The following FNBP1 variants were observed in gnomAD, a reference collection of about 807,000 sequenced individuals.
FNBP1 encodes formin binding protein 1, also known as formin-binding protein 1.
A neutral mutation model predicts 90.6 loss-of-function variants in FNBP1; 26 were observed. The observed-to-expected ratio is 0.29, with a 90% CI of 0.21 to 0.40. FNBP1 has a LOEUF of 0.40. Among genes scored for constraint, FNBP1 ranks in the 10% least tolerant of loss-of-function variants. The pLI is 1.00. For synonymous variants in FNBP1, 260 were observed against 265.2 expected (o/e 0.98, Z 0.19); for missense variants, 635 against 768.0 (o/e 0.83, Z 2.05).
In FNBP1 at chr9:129,957,779, C is replaced by T. The variant is rs1018205111; in HGVS notation, c.409-315G>A. Among the ~76,000 whole-genome samples, 13 of 152,178 alleles carry T rather than the reference C, an allele frequency of 8.5e-5. No homozygotes were observed. Among genetic ancestry groups the T allele is most frequent in the African/African-American group, 3.1e-4 (13 of 41,536 alleles). On this transcript the variant is annotated intron_variant, in intron 5 of 16. Coordinates refer to ENST00000446176, the MANE Select transcript of FNBP1 (RefSeq NM_015033.3). The surrounding 1 kb of genome is among the most constrained non-coding windows in gnomAD (Gnocchi z 4.3). Reference sequence around the variant, plus strand: ...TGTTGCCCATGCTGGTCTTGAGCTTCTGAGCTCAAGCAATCCTCCCGCCTC... The same window carrying T: ...TGTTGCCCATGCTGGTCTTGAGCTTTTGAGCTCAAGCAATCCTCCCGCCTC...
At chr9:130,025,204 T>C (rs1417597635) in intron 1 of FNBP1, among the ~76,000 whole-genome samples, 2 of 151,890 alleles carry the variant, frequency 1.3e-5, no homozygotes, top group African/African-American at 4.8e-5. Flanking sequence ...TCCCTGACAT[T>C]TTTGCCTATG....
At chr9:130,044,378 C>T (rs1474231311), upstream of FNBP1, among the ~76,000 whole-genome samples, 2 of 152,018 alleles carry the variant, frequency 1.3e-5, no homozygotes, top group East Asian at 1.9e-4. Flanking sequence ...AATCCCAGCA[C>T]ATCAGGAGGC....
At chr9:129,921,330 C>T (rs978543607) in intron 10 of FNBP1, among the ~76,000 whole-genome samples, 3 of 151,046 alleles carry the variant, frequency 2.0e-5, no homozygotes, top group African/African-American at 4.9e-5. Context: ...CAGCAATCCT[C>T]TCATCCCAGC....
intron 6 of FNBP1, among the ~76,000 whole-genome samples, chr9:129,946,903 T>C (rs1231582643): frequency 6.6e-6 from 1 of 152,200 alleles, no homozygotes; most frequent in Admixed American, 6.5e-5. Flanking sequence ...GAAATATTAG[T>C]TCACATTCCA....
intron 6 of FNBP1, among the ~76,000 whole-genome samples, chr9:129,947,440 CAAAAAAAAAAAAGAAAAGAA>C (rs2045482931): frequency 1.0e-5 from 1 of 96,988 alleles, no homozygotes; most frequent in South Asian, 3.6e-4. Flanking sequence ...AACTCCGTCT[CAAAAAAAAAAAAGAAAAGAA>C]AAAAAGAAAA....
intron 4 of FNBP1, among the ~76,000 whole-genome samples, chr9:129,969,920 ACT>A (rs1341065039): frequency 7.4e-6 from 1 of 134,550 alleles, no homozygotes; most frequent in African/African-American, 2.8e-5. Flanking sequence ...GTGGAGTCTC[ACT>A]CTGTGGCCCA....
the FNBP1 span, among the ~76,000 whole-genome samples, chr9:130,053,203 G>C: frequency 1.3e-5 from 2 of 152,292 alleles, no homozygotes; most frequent in East Asian, 3.9e-4. Context: ...CCCAGACTTG[G>C]GGTTGGATGA....
chr9:130,045,321 C>T (rs574642796), upstream of FNBP1, among the ~76,000 whole-genome samples: 17 of 152,292 alleles, frequency 1.1e-4, no homozygotes, highest in African/African-American at 9.6e-5. Flanking sequence ...AATTTGGAAA[C>T]GGTACATGCA....
intron 2 of FNBP1, among the ~76,000 whole-genome samples, chr9:129,993,844 C>T (rs1388480121): frequency 2.0e-5 from 3 of 151,328 alleles, no homozygotes; most frequent in African/African-American, 4.9e-5. Flanking sequence ...AGGCGGGTCT[C>T]GAACTCCTGA....
chr9:130,015,654 C>CT (rs2057154638), intron 1 of FNBP1, among the ~76,000 whole-genome samples: 1 of 152,048 alleles, frequency 6.6e-6, no homozygotes, highest in Admixed American at 6.6e-5. Flanking sequence ...AGGCAAATTG[C>CT]TTTTTTTGCA....
In FNBP1 at chr9:129,927,262, A is replaced by G. The variant is rs746100786; in HGVS notation, c.722T>C (p.Val241Ala). ...MKTYAEVDRQ[V>A]IPIIGKCLDG... ...CAGGCACTTCCCAATGATTGGGATC[A>G]CCTGCCGATCAACCTCTGCATATGT... The change falls in exon 8 of 17, where the codon GTG becomes GCG. Residue 241 changes from valine (V) to alanine (A), a missense_variant. Coordinates refer to ENST00000446176, the MANE Select transcript of FNBP1 (RefSeq NM_015033.3). The G allele has an allele frequency of 6.2e-7, 1 of 1,613,266 alleles. No homozygotes were observed. Among genetic ancestry groups the G allele is most frequent in the Admixed American group, 1.7e-5 (1 of 60,018 alleles).
intron 2 of FNBP1, among the ~76,000 whole-genome samples, chr9:129,986,427 G>C (rs1030442771): frequency 5.9e-5 from 9 of 152,092 alleles, no homozygotes; most frequent in African/African-American, 2.2e-4. Flanking sequence ...CAATAAATGA[G>C]GGTGGATATC....
chr9:129,978,499 C>A lies in FNBP1; in HGVS notation c.311G>T (p.Arg104Leu). The A allele has an allele frequency of 6.2e-7, 1 of 1,613,612 alleles. No homozygotes were observed. Among genetic ancestry groups the A allele is most frequent in the Non-Finnish European group, 8.5e-7 (1 of 1,179,690 alleles). The change falls in exon 4 of 17, where the codon CGC becomes CTC. Residue 104 changes from arginine (R) to leucine (L), a missense_variant. By Grantham distance (102) the Arg-to-Leu change is moderately radical (BLOSUM62 -2). Coordinates refer to ENST00000446176, the MANE Select transcript of FNBP1 (RefSeq NM_015033.3). Reference protein sequence around the residue: ...MASQIIVDLARYVQELKQERK... With the variant: ...MASQIIVDLALYVQELKQERK... ...CTCCTGTTTCAGTTCCTGAACATAGCGTGCCAAGTCCACAATGATCTGTGA... is the reference window on the plus strand; with the variant it reads ...CTCCTGTTTCAGTTCCTGAACATAGAGTGCCAAGTCCACAATGATCTGTGA...
In FNBP1 at chr9:130,042,883, C is replaced by A; in HGVS notation, c.24+69G>T. On this transcript the variant is annotated intron_variant, in intron 1 of 16. Coordinates refer to ENST00000446176, the MANE Select transcript of FNBP1 (RefSeq NM_015033.3). The surrounding 1 kb of genome is among the most constrained non-coding windows in gnomAD (Gnocchi z 5.5). The stretch of plus-strand genomic sequence containing the variant: ...TCCGCCCAGCAGCGCGGCCCGCGCC[C>A]CCTCCCCAGGCCGCGGGGAAACGCA... 9.1e-7 allele frequency: 1 copy of A among 1,100,668 alleles called. No homozygotes were observed. The highest frequency in any genetic ancestry group is 4.1e-5 in the South Asian group (1 of 24,362). 68.2% of individuals were successfully genotyped at this position (1,100,668 alleles called of 1,614,324 possible).
intron 6 of FNBP1, among the ~76,000 whole-genome samples, chr9:129,939,986 A>G (rs1014248838): frequency 1.1e-4 from 16 of 152,132 alleles, no homozygotes; most frequent in South Asian, 4.1e-4. Flanking sequence ...GGATCACTTG[A>G]GGCCAGGAGT....
At chr9:129,924,281 A>C (rs980551432) in intron 9 of FNBP1, among the ~76,000 whole-genome samples, 4 of 152,334 alleles carry the variant, frequency 2.6e-5, no homozygotes, top group Non-Finnish European at 5.9e-5. Flanking sequence ...TTTCCCATGC[A>C]AACTATAGCT....
chr9:130,047,268 G>A (rs535232462), upstream of FNBP1, among the ~76,000 whole-genome samples: 26 of 152,294 alleles, frequency 1.7e-4, no homozygotes, highest in African/African-American at 5.3e-4. Flanking sequence ...TTGGTGGTGG[G>A]AAGAAATCCC....
chr9:129,925,169 C>A lies in FNBP1; in HGVS notation c.790-12G>T, dbSNP rs1473282726. ...ACCAGCTGTGAATCCTGAAATTATA[C>A]CCACAAGCATATAAATACATTCAGA... On this transcript the variant is annotated splice_polypyrimidine_tract_variant and intron_variant, in intron 8 of 16. Coordinates refer to ENST00000446176, the MANE Select transcript of FNBP1 (RefSeq NM_015033.3). The A allele has an allele frequency of 1.1e-5, 17 of 1,600,210 alleles. No individual in the cohort carries two copies. The highest frequency in any genetic ancestry group is 1.5e-5 in the Non-Finnish European group (17 of 1,169,184).
intron 2 of FNBP1, among the ~76,000 whole-genome samples, chr9:129,985,350 A>G (rs1423009264): frequency 6.6e-6 from 1 of 152,180 alleles, no homozygotes; most frequent in Non-Finnish European, 1.5e-5. Context: ...CAGCAACCTT[A>G]TAAGGTGAGA....
Sources: gnomAD v4.1 joint callset for allele counts (sites outside exome capture counted in the v4.1 genomes callset) on GRCh38, gnomAD v4.1.1 for gene constraint, Gnocchi (gnomAD v3.1) non-coding constraint, MANE v1.5 for transcripts, NCBI Gene and HGNC (gene_info 2026-07-23, HGNC 2026-07-21) for gene names.